Variants in PDE4D observed in about 807,000 individuals in gnomAD.
The protein encoded by PDE4D is 3',5'-cyclic-AMP phosphodiesterase 4D.
PDE4D carries 24 observed loss-of-function variants against 87.4 expected under a neutral mutation model. The ratio of observed to expected loss-of-function variants is 0.27; its 90% confidence interval spans 0.20 to 0.39. PDE4D has a LOEUF of 0.39. PDE4D is among the 10% of genes least tolerant of loss of function. The pLI is 1.00. For synonymous variants in PDE4D, 384 were observed against 383.2 expected, an observed-to-expected ratio of 1.00 and a Z score of -0.02; for missense variants, 714 against 1,041.0, an observed-to-expected ratio of 0.69 and a Z score of 4.32.
At chr5:59,213,952 C>T (rs991618268) in intron 2 of PDE4D, among the ~76,000 whole-genome samples, 27 of 151,020 alleles carry the variant, frequency 1.8e-4, no homozygotes, top group Non-Finnish European at 7.4e-5. Flanking sequence ...TCACCATGTA[C>T]GTACTCATTC....
intron 1 of PDE4D, among the ~76,000 whole-genome samples, chr5:60,422,755 G>C (rs1743247914): frequency 6.6e-6 from 1 of 152,156 alleles, no homozygotes; most frequent in Admixed American, 6.5e-5. Context: ...CTGGCAAATT[G>C]GATAAAGAGT....
At chr5:59,513,381 T>C (rs536313465) in intron 1 of PDE4D, among the ~76,000 whole-genome samples, 9 of 152,182 alleles carry the variant, frequency 5.9e-5, no homozygotes, top group Non-Finnish European at 1.3e-4. Flanking sequence ...GATGATAGGT[T>C]TTCAATCTCC....
intron 1 of PDE4D, among the ~76,000 whole-genome samples, chr5:59,576,956 A>C (rs1252378379): frequency 6.6e-6 from 1 of 152,076 alleles, no homozygotes; most frequent in Non-Finnish European, 1.5e-5. Flanking sequence ...CGGTTTTCTC[A>C]ATTTGCCCAC....
chr5:59,764,796 C>T (rs1039076293), intron 1 of PDE4D, among the ~76,000 whole-genome samples: 1 of 151,458 alleles, frequency 6.6e-6, no homozygotes, highest in African/African-American at 2.4e-5. Flanking sequence ...GCTGGGATTA[C>T]AGGCACACAT....
chr5:59,382,710 A>AT (rs1786140575), intron 1 of PDE4D, among the ~76,000 whole-genome samples: 1 of 152,132 alleles, frequency 6.6e-6, no homozygotes, highest in Admixed American at 6.5e-5. Flanking sequence ...ATTACAAGAC[A>AT]TTTTTGGGGG....
chr5:59,282,079 T>A (rs1765902365), intron 1 of PDE4D, among the ~76,000 whole-genome samples: 1 of 152,164 alleles, frequency 6.6e-6, no homozygotes, highest in Non-Finnish European at 1.5e-5. Flanking sequence ...TTTTTTTCTG[T>A]TTAAATATAT....
intron 3 of PDE4D, among the ~76,000 whole-genome samples, chr5:59,922,702 T>C (rs1447747447): frequency 6.6e-6 from 1 of 152,042 alleles, no homozygotes; most frequent in African/African-American, 2.4e-5. Flanking sequence ...TCAGCAGCAA[T>C]AGCCAGGTGG....
intron 1 of PDE4D, among the ~76,000 whole-genome samples, chr5:59,643,286 G>A (rs972582545): frequency 7.2e-5 from 11 of 152,102 alleles, no homozygotes; most frequent in African/African-American, 9.7e-5. Context: ...GGAGGTCAAG[G>A]TAACTAGAAT....
At chr5:60,071,000 CT>C (rs1772654370) in intron 2 of PDE4D, among the ~76,000 whole-genome samples, 1 of 151,758 alleles carries the variant, frequency 6.6e-6, no homozygotes, top group South Asian at 2.1e-4. Context: ...TTGATTCTTT[CT>C]TATTTTGTGG....
At chr5:59,558,409 G>C (rs751683695) in intron 1 of PDE4D, among the ~76,000 whole-genome samples, 3 of 152,008 alleles carry the variant, frequency 2.0e-5, no homozygotes, top group Non-Finnish European at 4.4e-5. Context: ...AGTGAGCCAC[G>C]CAGATAACTG....
At chr5:59,974,669 G>A (rs1321971294) in intron 3 of PDE4D, among the ~76,000 whole-genome samples, 1 of 152,176 alleles carries the variant, frequency 6.6e-6, no homozygotes, top group African/African-American at 2.4e-5. Flanking sequence ...TCAGAGGACA[G>A]GTGGACCAAT....
intron 1 of PDE4D, among the ~76,000 whole-genome samples, chr5:60,314,825 C>T (rs1047691360): frequency 1.3e-5 from 2 of 152,116 alleles, no homozygotes; most frequent in Non-Finnish European, 2.9e-5. Flanking sequence ...CTCATCATTT[C>T]TTATGGCTGC....
chr5:59,662,359 G>T (rs567717564), intron 1 of PDE4D, among the ~76,000 whole-genome samples: 11 of 152,330 alleles, frequency 7.2e-5, no homozygotes, highest in African/African-American at 2.2e-4. Flanking sequence ...AAGGTATACT[G>T]CAACACCTGG....
chr5:60,081,791 G>A (rs918470274), intron 2 of PDE4D, among the ~76,000 whole-genome samples: 2 of 152,100 alleles, frequency 1.3e-5, no homozygotes, highest in African/African-American at 4.8e-5. Context: ...CTGGCTTGTG[G>A]AGTTTCTGCT....
At chr5:59,853,391 G>A (rs980945811) in intron 1 of PDE4D, among the ~76,000 whole-genome samples, 7 of 151,928 alleles carry the variant, frequency 4.6e-5, no homozygotes, top group Non-Finnish European at 8.8e-5. Context: ...ATTTGTTCTG[G>A]TTATAAAAAT....
chr5:59,854,454 G>T (rs1745124024), intron 1 of PDE4D, among the ~76,000 whole-genome samples: 1 of 151,550 alleles, frequency 6.6e-6, no homozygotes, highest in African/African-American at 2.4e-5. Flanking sequence ...TCCTTTTCAA[G>T]TAAATTAAAT....
intron 1 of PDE4D, among the ~76,000 whole-genome samples, chr5:60,485,216 T>C (rs1180154621): frequency 6.6e-6 from 1 of 152,174 alleles, no homozygotes; most frequent in Non-Finnish European, 1.5e-5. Context: ...GGGACATTTG[T>C]TTCATTCGTT....
intron 1 of PDE4D, among the ~76,000 whole-genome samples, chr5:59,556,282 A>AT (rs1383722061): frequency 6.6e-6 from 1 of 152,118 alleles, no homozygotes; most frequent in Non-Finnish European, 1.5e-5. Flanking sequence ...TTCTATTTAC[A>AT]TTTTTTATTC....
At chr5:59,421,889 T>C (rs1426705798) in intron 1 of PDE4D, among the ~76,000 whole-genome samples, 1 of 152,200 alleles carries the variant, frequency 6.6e-6, no homozygotes, top group African/African-American at 2.4e-5. Flanking sequence ...CAAGAATTTA[T>C]TGAATATCTA....
Sources: gnomAD v4.1 joint callset for allele counts (sites outside exome capture counted in the v4.1 genomes callset) on GRCh38, gnomAD v4.1.1 for gene constraint, MANE v1.5 for transcripts, NCBI Gene and HGNC (gene_info 2026-07-23, HGNC 2026-07-21) for gene names.